The following DISC1 variants were observed in gnomAD, a reference collection of about 807,000 sequenced individuals.
The protein encoded by DISC1 is DISC1 scaffold protein, also known as disrupted in schizophrenia 1 protein.
DISC1 carries 57 observed loss-of-function variants against 84.5 expected under a neutral mutation model. The observed-to-expected ratio is 0.67, with a 90% CI of 0.55 to 0.84. DISC1 has a LOEUF of 0.84. DISC1 is among the 40% of genes least tolerant of loss of function. The pLI, the probability that DISC1 is intolerant of heterozygous loss-of-function variation, is 0.00. For synonymous variants in DISC1, 411 were observed against 415.2 expected (o/e 0.99, Z 0.12); for missense variants, 1,000 against 1,057.8 (o/e 0.95, Z 0.76).
intron 9 of DISC1, among the ~76,000 whole-genome samples, chr1:231,828,207 T>C (rs570726046): frequency 1.3e-5 from 2 of 152,372 alleles, no homozygotes; most frequent in African/African-American, 4.8e-5. Flanking sequence ...AATACAATTA[T>C]ATTACGATTG....
intron 3 of DISC1, among the ~76,000 whole-genome samples, chr1:231,742,615 A>G (rs1412563276): frequency 6.6e-6 from 1 of 152,198 alleles, no homozygotes; most frequent in African/African-American, 2.4e-5. Context: ...TCTGAAAAAA[A>G]AAATTTAAAA....
At chr1:231,984,298 C>T (rs1442399512) in intron 10 of DISC1, among the ~76,000 whole-genome samples, 1 of 152,134 alleles carries the variant, frequency 6.6e-6, no homozygotes, top group African/African-American at 2.4e-5. Context: ...GAGAATACAA[C>T]ACCTTTCAAA....
intron 9 of DISC1, among the ~76,000 whole-genome samples, chr1:231,871,153 C>A (rs1294543045): frequency 3.3e-5 from 5 of 152,132 alleles, no homozygotes; most frequent in Admixed American, 3.3e-4. Context: ...TGTGATGTTC[C>A]CTTTCTTGTT....
intron 1 of DISC1, among the ~76,000 whole-genome samples, chr1:231,691,550 A>C (rs533833972): frequency 6.6e-6 from 1 of 152,288 alleles, no homozygotes; most frequent in Non-Finnish European, 1.5e-5. Flanking sequence ...TTTTTCTTTT[A>C]ACTTCAGAAG....
chr1:231,891,299 G>A (rs1393117557), intron 9 of DISC1, among the ~76,000 whole-genome samples: 6 of 152,182 alleles, frequency 3.9e-5, no homozygotes, highest in Non-Finnish European at 8.8e-5. Context: ...GCCATCCTGG[G>A]CTGCATACAG....
chr1:231,658,481 A>G (rs761799426), intron 1 of DISC1, among the ~76,000 whole-genome samples: 9 of 152,060 alleles, frequency 5.9e-5, no homozygotes, highest in African/African-American at 1.2e-4. Flanking sequence ...TTGTTCTCTT[A>G]TCTGATTGCC....
chr1:231,686,878 A>T (rs1326705520), intron 1 of DISC1, among the ~76,000 whole-genome samples: 1 of 152,166 alleles, frequency 6.6e-6, no homozygotes, highest in Non-Finnish European at 1.5e-5. Context: ...CTTCCGCCAG[A>T]TACCCTAAAT....
At chr1:231,939,272 T>C (rs2091161530) in intron 9 of DISC1, among the ~76,000 whole-genome samples, 1 of 152,258 alleles carries the variant, frequency 6.6e-6, no homozygotes, top group Middle Eastern at 3.2e-3. Context: ...TTCACCGTCA[T>C]AGCTCTAGCT....
rs929649844 is a variant in DISC1 at position 231,842,032 on chromosome 1, T to C, written c.1981+23515T>C. ...TTTATTTTTTTAAGAGAGGGTCTTGTGTTGTTGCCCAGGCTGGAGTCCAGT... is the reference window on the plus strand; with the variant it reads ...TTTATTTTTTTAAGAGAGGGTCTTGCGTTGTTGCCCAGGCTGGAGTCCAGT... On this transcript the variant is annotated intron_variant, in intron 9 of 12. Transcript: ENST00000439617. 9.9e-5 allele frequency among the ~76,000 whole-genome samples: 15 copies of C among 152,264 alleles called. No homozygotes were observed. In the South Asian group the frequency reaches 1.2e-3, roughly 13 times the overall value.
At chr1:232,017,861 A>T (rs1467053478) in intron 11 of DISC1, among the ~76,000 whole-genome samples, 1 of 152,152 alleles carries the variant, frequency 6.6e-6, no homozygotes, top group Non-Finnish European at 1.5e-5. Flanking sequence ...GATTTTTCTT[A>T]TTCTATTTCT....
chr1:231,791,288 C>T (rs116594329), intron 6 of DISC1, among the ~76,000 whole-genome samples: 8 of 152,210 alleles, frequency 5.3e-5, no homozygotes, highest in African/African-American at 1.7e-4. Context: ...CTTCTGGGAG[C>T]GGTAGTTAGT....
chr1:231,823,386 G>C (rs2081636950), intron 9 of DISC1, among the ~76,000 whole-genome samples: 1 of 152,098 alleles, frequency 6.6e-6, no homozygotes, highest in South Asian at 2.1e-4. Flanking sequence ...AACAAAGACA[G>C]AAGAAAATGC....
At chr1:231,639,415 C>T (rs745960173) in intron 1 of DISC1, among the ~76,000 whole-genome samples, 15 of 152,330 alleles carry the variant, frequency 9.8e-5, no homozygotes, top group Middle Eastern at 3.4e-3. Context: ...ACACCTCCTG[C>T]GTTCATCATT....
rs534720923 is a variant in DISC1, at chr1:231,994,986, C to T, written c.2043-13799C>T. Reference sequence around the variant, plus strand: ...CAACCAACAATGACCTCTACATGTTCCTCGTTAAATACTCTTTCTTATATT... The same window carrying T: ...CAACCAACAATGACCTCTACATGTTTCTCGTTAAATACTCTTTCTTATATT... On this transcript the variant is annotated intron_variant, in intron 10 of 12. Transcript: ENST00000439617. Among the ~76,000 whole-genome samples the T allele has an allele frequency of 3.3e-5, 5 of 152,214 alleles. No individual in the cohort carries two copies. The South Asian group carries it at 6.2e-4, about 19-fold the overall frequency.
chr1:231,914,697 C>T (rs1041456606), intron 9 of DISC1, among the ~76,000 whole-genome samples: 1 of 152,224 alleles, frequency 6.6e-6, no homozygotes, highest in African/African-American at 2.4e-5. Flanking sequence ...CTTGTCATCT[C>T]CAACTTATCA....
rs753396797 is a variant in DISC1 at position 232,039,612 on chromosome 1, T to A, written c.*2781T>A. 3 of 152,038 alleles carry A rather than the reference T, an allele frequency of 2.0e-5. No individual in the cohort carries two copies. The highest frequency in any genetic ancestry group is 4.4e-5 in the Non-Finnish European group (3 of 68,036). The allele number at this position is 152,038 out of a possible 1,614,324, so 9.4% of individuals were successfully genotyped here. A position where few individuals can be genotyped will look rare whatever the true frequency, so the allele number is the denominator to read the frequency against. On this transcript the variant is annotated 3_prime_UTR_variant, in exon 13 of 13. Coordinates refer to ENST00000439617, the MANE Select transcript of DISC1 (RefSeq NM_018662.3). ...TGCTTCTTCTGGCTACACAACCTTC[T>A]CAGGACAAGCCCACTGTCTTAAGCC... is the stretch of plus-strand genomic sequence containing the variant.
chr1:231,660,369 C>A (rs1489572345), intron 1 of DISC1, among the ~76,000 whole-genome samples: 1 of 151,978 alleles, frequency 6.6e-6, no homozygotes, highest in Non-Finnish European at 1.5e-5. Context: ...GTATGTCTTG[C>A]ATGTGAGATG....
chr1:231,924,130 T>G (rs1259392995), intron 9 of DISC1, among the ~76,000 whole-genome samples: 2 of 152,122 alleles, frequency 1.3e-5, no homozygotes, highest in African/African-American at 4.8e-5. Flanking sequence ...TAAATACATC[T>G]AAAGTGAAAA....
At chr1:231,981,215 A>G (rs1663554730) in intron 10 of DISC1, among the ~76,000 whole-genome samples, 1 of 152,366 alleles carries the variant, frequency 6.6e-6, no homozygotes, top group East Asian at 1.9e-4. Flanking sequence ...AAGTGTTGGG[A>G]TTACAGGTAT....
Sources: allele counts gnomAD v4.1 joint callset (sites outside exome capture counted in the v4.1 genomes callset), GRCh38; gene constraint gnomAD v4.1.1; transcripts MANE v1.5; gene names NCBI Gene and HGNC (gene_info 2026-07-23, HGNC 2026-07-21).